CTNNAL1: variants seen among roughly 807,000 people sequenced by gnomAD.
CTNNAL1 encodes the protein catenin alpha like 1, also known as alpha-catulin.
A neutral mutation model predicts 93.6 loss-of-function variants in CTNNAL1; 69 were observed. That is an observed-to-expected ratio of 0.74 (90% CI 0.61 to 0.90). The LOEUF (loss-of-function observed/expected upper bound fraction) is 0.90. Among genes scored for constraint, CTNNAL1 ranks in the 40% least tolerant of loss-of-function variants. The pLI is 0.00. For missense variants in CTNNAL1, 836 were observed against 862.0 expected, an observed-to-expected ratio of 0.97 and a Z score of 0.38; for synonymous variants, 286 against 305.4, an observed-to-expected ratio of 0.94 and a Z score of 0.66.
chr9:108,954,766 A>C lies in CTNNAL1; in HGVS notation c.1629+1024T>G, dbSNP rs186786314. On this transcript the variant is annotated intron_variant, in intron 12 of 18. Coordinates refer to ENST00000325551, the MANE Select transcript of CTNNAL1 (RefSeq NM_003798.4). ...CCAGTCCCTTTTCAAAAAGTACACT[A>C]ATTAAGTTTGGACCATTTTTTGATT... Among the ~76,000 whole-genome samples the C allele has an allele frequency of 7.2e-5, 11 of 152,238 alleles. No homozygotes were observed. The East Asian group carries it at 2.1e-3, about 29-fold the overall frequency.
At chr9:108,967,540 G>A (rs1321570145) in intron 10 of CTNNAL1, among the ~76,000 whole-genome samples, 1 of 152,140 alleles carries the variant, frequency 6.6e-6, no homozygotes, top group East Asian at 1.9e-4. Context: ...AGCAGTGGGA[G>A]AGACACAATT....
At chr9:108,982,381 T>C (rs1301769758) in intron 6 of CTNNAL1, among the ~76,000 whole-genome samples, 1 of 152,174 alleles carries the variant, frequency 6.6e-6, no homozygotes, top group Non-Finnish European at 1.5e-5. Flanking sequence ...TGTATTACTG[T>C]TGATTTTTAA....
chr9:108,946,343 A>T (rs2132080232), intron 15 of CTNNAL1, among the ~76,000 whole-genome samples: 1 of 150,256 alleles, frequency 6.7e-6, no homozygotes, highest in South Asian at 2.1e-4. Flanking sequence ...CAGAGACATC[A>T]TATTTTACCC....
chr9:108,944,482 A>C (rs1378039326), intron 15 of CTNNAL1, among the ~76,000 whole-genome samples: 1 of 152,224 alleles, frequency 6.6e-6, no homozygotes, highest in Non-Finnish European at 1.5e-5. Flanking sequence ...TGAGAGAACC[A>C]ATCCAGGTGG....
At chr9:108,984,318 A>G (rs1196993466) in intron 5 of CTNNAL1, 29 bp downstream of exon 5, 1 of 1,166,836 alleles carries the variant, frequency 8.6e-7, no homozygotes, top group African/African-American at 1.5e-5. Context: ...TTATTAATTT[A>G]TTACACAGTA....
intron 17 of CTNNAL1, 27 bp downstream of exon 17, chr9:108,943,676 T>C (rs778012892): frequency 1.9e-6 from 3 of 1,586,304 alleles, no homozygotes; most frequent in Non-Finnish European, 2.6e-6. Context: ...GATAGATGTG[T>C]GAAAGTTTTT....
At chr9:108,943,187 C>T in intron 17 of CTNNAL1, 143 bp from the exon 18 acceptor site, 1 of 754,668 alleles carries the variant, frequency 1.3e-6, no homozygotes. Flanking sequence ...GGCACATGAG[C>T]TGACTCAAAG....
At chr9:109,007,570 T>C (rs539490352) in intron 1 of CTNNAL1, among the ~76,000 whole-genome samples, 32 of 152,284 alleles carry the variant, frequency 2.1e-4, no homozygotes, top group African/African-American at 7.2e-4. Context: ...GAGTGGGAGT[T>C]CTGACAGGAA....
intron 4 of CTNNAL1, among the ~76,000 whole-genome samples, chr9:108,985,048 G>T (rs779952898): frequency 5.3e-5 from 8 of 151,312 alleles, no homozygotes; most frequent in Admixed American, 2.6e-4. Context: ...TTGTTTTGGT[G>T]GGGGGTGACT....
intron 17 of CTNNAL1, 116 bp downstream of exon 17, chr9:108,943,587 G>C (rs887484242): frequency 1.3e-6 from 1 of 744,216 alleles, no homozygotes; most frequent in Non-Finnish European, 2.1e-6. Context: ...TGTAGACAAG[G>C]CATGAAAAAA....
In CTNNAL1 at chr9:108,942,956, C is replaced by G. The variant is rs1345182421; in HGVS notation, c.2139+5G>C. 1 of 1,611,284 alleles carries G rather than the reference C, an allele frequency of 6.2e-7. No homozygotes were observed. The highest frequency in any genetic ancestry group is 8.5e-7 in the Non-Finnish European group (1 of 1,179,248). On this transcript the variant is annotated splice_donor_5th_base_variant and intron_variant, in intron 18 of 18. Coordinates refer to ENST00000325551, the MANE Select transcript of CTNNAL1 (RefSeq NM_003798.4). ...TATGAGTCTAAAATAGAAAAACTAC[C>G]TCACCTTCTTCAGCAGTTTATAACA...
At chr9:108,983,371 A>G in intron 5 of CTNNAL1, 56 bp from the exon 6 acceptor site, 1 of 1,346,608 alleles carries the variant, frequency 7.4e-7, no homozygotes, top group Non-Finnish European at 9.6e-7. Context: ...ATAATGCACA[A>G]AAATCTTACA....
chr9:108,995,530 T>TA, intron 2 of CTNNAL1, among the ~76,000 whole-genome samples: 1 of 152,334 alleles, frequency 6.6e-6, no homozygotes. Flanking sequence ...ATCAGTTCCC[T>TA]AAAAAAGTAA....
chr9:108,946,482 TC>T (rs781045740), intron 15 of CTNNAL1, among the ~76,000 whole-genome samples: 1 of 152,138 alleles, frequency 6.6e-6, no homozygotes, highest in Non-Finnish European at 1.5e-5. Flanking sequence ...CCCACATTTA[TC>T]CATCCAACTC....
intron 4 of CTNNAL1, among the ~76,000 whole-genome samples, chr9:108,989,930 A>G (rs2132171078): frequency 6.6e-6 from 1 of 152,308 alleles, no homozygotes; most frequent in East Asian, 1.9e-4. Flanking sequence ...GCATGCCTGT[A>G]GTCCCAGCTA....
intron 2 of CTNNAL1, among the ~76,000 whole-genome samples, chr9:108,994,242 A>AG (rs1831927983): frequency 6.6e-6 from 1 of 152,040 alleles, no homozygotes; most frequent in Non-Finnish European, 1.5e-5. Context: ...AAAAAAAAAA[A>AG]GAAAGATCAG....
intron 10 of CTNNAL1, among the ~76,000 whole-genome samples, chr9:108,969,463 T>C (rs1344156337): frequency 2.0e-5 from 3 of 152,246 alleles, no homozygotes; most frequent in African/African-American, 7.2e-5. Context: ...TATTTTCATA[T>C]GTATATATTC....
intron 1 of CTNNAL1, among the ~76,000 whole-genome samples, chr9:109,002,599 T>C (rs925898602): frequency 1.1e-4 from 17 of 152,136 alleles, no homozygotes; most frequent in African/African-American, 3.9e-4. Context: ...CCTGGTTTCT[T>C]TTTGCTGCTT....
chr9:108,979,179 A>G (rs1402623785), intron 7 of CTNNAL1, 102 bp downstream of exon 7: 3 of 1,434,998 alleles, frequency 2.1e-6, no homozygotes, highest in Non-Finnish European at 2.8e-6. Context: ...CCATTCTGGA[A>G]CAAATTCATA....
Sources: allele counts gnomAD v4.1 joint callset (sites outside exome capture counted in the v4.1 genomes callset), GRCh38; gene constraint gnomAD v4.1.1; transcripts MANE v1.5; gene names NCBI Gene and HGNC (gene_info 2026-07-23, HGNC 2026-07-21).